The following NDC80 variants were observed in gnomAD, a reference collection of about 807,000 sequenced individuals.
NDC80 encodes NDC80 kinetochore complex component, also known as kinetochore protein NDC80 homolog.
NDC80 carries 69 observed loss-of-function variants against 89.3 expected under a neutral mutation model. The ratio of observed to expected loss-of-function variants is 0.77; its 90% CI spans 0.64 to 0.94. NDC80 has a LOEUF of 0.94. Ranked by LOEUF, NDC80 falls within the 40% of genes least tolerant of loss-of-function variation. The probability of loss-of-function intolerance (pLI) is 0.00; values close to 1 mark genes in which losing one functional copy is unlikely to be tolerated. For missense variants in NDC80, 593 were observed against 739.6 expected (o/e 0.80, Z 2.30); for synonymous variants, 243 against 255.6 (o/e 0.95, Z 0.47).
chr18:2,578,671 GT>G (rs1316377945), intron 5 of NDC80, among the ~76,000 whole-genome samples: 2 of 152,180 alleles, frequency 1.3e-5, no homozygotes, highest in Non-Finnish European at 2.9e-5. Flanking sequence ...AACAAAAGAT[GT>G]TTTGGGAGAG....
chr18:2,600,945 G>A (rs2072681099), intron 12 of NDC80, among the ~76,000 whole-genome samples: 1 of 152,178 alleles, frequency 6.6e-6, no homozygotes, highest in Non-Finnish European at 1.5e-5. Flanking sequence ...GCAATGAAGT[G>A]CTGTGTTAAA....
intron 13 of NDC80, among the ~76,000 whole-genome samples, chr18:2,606,191 A>G (rs1475309592): frequency 6.6e-6 from 1 of 151,640 alleles, no homozygotes; most frequent in Non-Finnish European, 1.5e-5. Flanking sequence ...CACAACAACT[A>G]GTGGAAAAAC....
chr18:2,613,579 A>G (rs1386617811), intron 16 of NDC80, among the ~76,000 whole-genome samples: 3 of 152,246 alleles, frequency 2.0e-5, no homozygotes, highest in African/African-American at 7.2e-5. Flanking sequence ...TAAACTCTAC[A>G]CAGAAATCAG....
At chr18:2,605,274 ATGTG>A (rs60324126) in intron 13 of NDC80, among the ~76,000 whole-genome samples, 14,879 of 126,740 alleles carry the variant, frequency 0.12, 627 homozygotes, top group Non-Finnish European at 0.13. Flanking sequence ...GGCTATATGT[ATGTG>A]TGTGTGTGTG....
intron 6 of NDC80, 198 bp downstream of exon 6, chr18:2,579,227 T>C (rs1268574885): frequency 2.6e-6 from 1 of 386,408 alleles, no homozygotes; most frequent in Admixed American, 4.5e-5. Context: ...ATAAGGAGAT[T>C]ATTTATTATC....
rs1427467039 is a variant in NDC80, at chr18:2,598,893, T to C, written c.1222-126T>C. ...AAACTGCTACTCTTACTGCTAAAGATTACTGAATTAGTAAACTACTAAAAA... is the reference window on the plus strand; with the variant it reads ...AAACTGCTACTCTTACTGCTAAAGACTACTGAATTAGTAAACTACTAAAAA... On this transcript the variant is annotated intron_variant, in intron 11 of 16. Coordinates refer to ENST00000261597, the MANE Select transcript of NDC80 (RefSeq NM_006101.3). The C allele has an allele frequency of 7.7e-6, 7 of 907,098 alleles. No individual in the cohort carries two copies. In the East Asian group the frequency reaches 1.9e-4, roughly 24 times the overall value. The allele number at this position is 907,098 out of a possible 1,614,324, so 56.2% of individuals were successfully genotyped here.
chr18:2,600,861 C>T (rs1192034889), intron 12 of NDC80, among the ~76,000 whole-genome samples: 2 of 152,068 alleles, frequency 1.3e-5, no homozygotes, highest in African/African-American at 2.4e-5. Flanking sequence ...TGTATGTTAA[C>T]GTCATTTTAA....
intron 3 of NDC80, among the ~76,000 whole-genome samples, chr18:2,577,537 G>A (rs756207889): frequency 1.3e-5 from 2 of 152,092 alleles, no homozygotes; most frequent in African/African-American, 2.4e-5. Context: ...TTCTTGCCTC[G>A]TTTTACATCC....
At chr18:2,605,632 A>G (rs537977021) in intron 13 of NDC80, among the ~76,000 whole-genome samples, 1 of 152,106 alleles carries the variant, frequency 6.6e-6, no homozygotes, top group Admixed American at 6.5e-5. Flanking sequence ...ATATGTCACT[A>G]CCCTGTGTTT....
Position 2,575,673 on chromosome 18 carries a change from C to T in NDC80, c.179+607C>T, listed in dbSNP as rs1409964172. On this transcript the variant is annotated intron_variant, in intron 3 of 16. Coordinates refer to ENST00000261597, the MANE Select transcript of NDC80 (RefSeq NM_006101.3). ...GGTGTGGTGGCTCACACCTGTAATC[C>T]CAGCACTTTGGGAGGCCAAGGCGGG... Among the ~76,000 whole-genome samples, 4 of 151,972 alleles carry T rather than the reference C, an allele frequency of 2.6e-5. No individual in the cohort carries two copies. The East Asian group carries it at 7.7e-4, about 29-fold the overall frequency.
chr18:2,591,108 C>T (rs967444347), intron 10 of NDC80, among the ~76,000 whole-genome samples: 5 of 152,078 alleles, frequency 3.3e-5, no homozygotes, highest in Admixed American at 2.0e-4. Context: ...CCATCACTAC[C>T]GCCTAAGCAC....
At chr18:2,606,338 A>C in intron 13 of NDC80, 77 bp from the exon 14 acceptor site, 2 of 882,814 alleles carry the variant, frequency 2.3e-6, no homozygotes, top group Non-Finnish European at 3.4e-6. Flanking sequence ...TTGATTGATA[A>C]TATAAAAACT....
chr18:2,595,573 A>G lies in NDC80; in HGVS notation c.1173A>G (p.Gln391=). The change falls in exon 11 of 17, where the codon CAA becomes CAG. Residue 391 remains glutamine (Q), a synonymous_variant. Transcript: ENST00000261597. The part of the protein sequence containing the change: ...NKLTKDLEAE[Q]QKLWNEELKY... Reference sequence around the variant, plus strand: ...TAACCAAGGACCTGGAAGCTGAACAACAGAAGTTGTGGAATGAGGAGTTAA... The same window carrying G: ...TAACCAAGGACCTGGAAGCTGAACAGCAGAAGTTGTGGAATGAGGAGTTAA... 6.2e-7 allele frequency: 1 copy of G among 1,613,772 alleles called. No individual in the cohort carries two copies. The highest frequency in any genetic ancestry group is 1.1e-5 in the South Asian group (1 of 91,072).
intron 14 of NDC80, 93 bp downstream of exon 14, chr18:2,606,600 T>G: frequency 2.2e-6 from 1 of 455,904 alleles, no homozygotes; most frequent in Non-Finnish European, 3.5e-6. Flanking sequence ...TCAAAATCTT[T>G]AAGCTATATA....
At chr18:2,609,516 C>T (rs1598246658) in intron 15 of NDC80, among the ~76,000 whole-genome samples, 1 of 152,126 alleles carries the variant, frequency 6.6e-6, no homozygotes, top group Non-Finnish European at 1.5e-5. Context: ...AAATTAAAAA[C>T]TCCATCAGTA....
At chr18:2,582,585 A>G (rs2072583929) in intron 6 of NDC80, 1 of 152,098 alleles carries the variant, frequency 6.6e-6, no homozygotes, top group African/African-American at 2.4e-5. Context: ...TAAATTAAAT[A>G]TTTTTCATTG....
chr18:2,598,501 T>G (rs1268413623), intron 11 of NDC80, among the ~76,000 whole-genome samples: 1 of 152,158 alleles, frequency 6.6e-6, no homozygotes, highest in Non-Finnish European at 1.5e-5. Context: ...TCTGATGACC[T>G]TATTTGAACA....
intron 11 of NDC80, among the ~76,000 whole-genome samples, chr18:2,596,504 G>A (rs8086277): frequency 0.99 from 147,985 of 148,970 alleles, 73,511 homozygotes; most frequent in East Asian, 1. Context: ...TAGAATGACA[G>A]TCATTAAAAA....
chr18:2,612,197 A>C (rs895242345), intron 16 of NDC80, among the ~76,000 whole-genome samples: 7 of 147,346 alleles, frequency 4.8e-5, no homozygotes, highest in African/African-American at 1.8e-4. Flanking sequence ...TTGAGTCCTT[A>C]GTTTCTTCAT....
Sources: allele counts gnomAD v4.1 joint callset (sites outside exome capture counted in the v4.1 genomes callset), GRCh38; gene constraint gnomAD v4.1.1; transcripts MANE v1.5; gene names NCBI Gene and HGNC (gene_info 2026-07-23, HGNC 2026-07-21).